Variants in LIMS1 observed in about 807,000 individuals in gnomAD.
LIMS1 encodes the protein LIM and senescent cell antigen-like-containing domain protein 1.
Under a neutral mutation model 44.1 loss-of-function variants are expected in LIMS1, and 18 were observed. That is an observed-to-expected ratio of 0.41 (90% CI 0.28 to 0.61). The LOEUF (loss-of-function observed/expected upper bound fraction) is 0.61. Among genes scored for constraint, LIMS1 ranks in the 20% least tolerant of loss-of-function variants. The probability of loss-of-function intolerance (pLI) is 0.32; values close to 1 mark genes in which losing one functional copy is unlikely to be tolerated. For missense variants in LIMS1, 201 were observed against 422.0 expected, an observed-to-expected ratio of 0.48 and a Z score of 4.59; for synonymous variants, 93 against 149.1, an observed-to-expected ratio of 0.62 and a Z score of 2.74.
At chr2:108,607,314 A>T in intron 1 of LIMS1, 1 of 1,468,932 alleles carries the variant, frequency 6.8e-7, no homozygotes, top group Non-Finnish European at 9.3e-7. Flanking sequence ...CAAATAGAAC[A>T]TAATTGAGCA....
At chr2:108,620,569 G>T (rs1464123487) in intron 1 of LIMS1, among the ~76,000 whole-genome samples, 1 of 152,128 alleles carries the variant, frequency 6.6e-6, no homozygotes, top group Admixed American at 6.5e-5. Flanking sequence ...ACTTTCCGAG[G>T]TCAAATGTAC....
At chr2:108,602,978 C>T (rs146333722) in intron 1 of LIMS1, among the ~76,000 whole-genome samples, 180 of 152,174 alleles carry the variant, frequency 1.2e-3, no homozygotes, top group African/African-American at 4.0e-3. Flanking sequence ...TTTAGGGTTT[C>T]GTCATGGTAC....
intron 1 of LIMS1, among the ~76,000 whole-genome samples, chr2:108,540,388 C>T (rs988957697): frequency 3.3e-5 from 5 of 151,988 alleles, no homozygotes; most frequent in Admixed American, 2.6e-4. Flanking sequence ...TTAGTAAAGA[C>T]GGAGTTTCAC....
chr2:108,560,231 ATTC>A (rs1231503013), intron 1 of LIMS1, among the ~76,000 whole-genome samples: 1 of 152,098 alleles, frequency 6.6e-6, no homozygotes, highest in Non-Finnish European at 1.5e-5. Flanking sequence ...GCTCCAGTCT[ATTC>A]TTAACACAGC....
At position 108,578,199 on chromosome 2, in the gene LIMS1, G is replaced by A. The variant is rs548323243; in HGVS notation, c.32+43605G>A. Among the ~76,000 whole-genome samples the A allele has an allele frequency of 2.1e-4, 32 of 152,288 alleles. No homozygotes were observed. The South Asian group carries it at 5.0e-3, about 24-fold the overall frequency. ...GCTGGGATTACAGGCATGAGCCACC[G>A]CGCCCAGCCTGTATGTTTTGATACT... On this transcript the variant is annotated intron_variant, in intron 1 of 9. Coordinates refer to ENST00000544547, the Ensembl canonical transcript of LIMS1.
At chr2:108,685,182 G>T (rs1266197028) in exon 10 of LIMS1, 1 of 152,008 alleles carries the variant, frequency 6.6e-6, no homozygotes, top group Non-Finnish European at 1.5e-5. Context: ...TAATTAATTT[G>T]ATTTATTTAC....
intron 1 of LIMS1, among the ~76,000 whole-genome samples, chr2:108,604,958 T>G (rs1687197005): frequency 6.6e-6 from 1 of 152,146 alleles, no homozygotes; most frequent in Non-Finnish European, 1.5e-5. Flanking sequence ...ACCTTGTGAG[T>G]CTGAACAGGA....
At chr2:108,600,345 C>T (rs1385307272) in intron 1 of LIMS1, among the ~76,000 whole-genome samples, 4 of 151,794 alleles carry the variant, frequency 2.6e-5, no homozygotes, top group Non-Finnish European at 5.9e-5. Flanking sequence ...GCCACCACGC[C>T]TGGCCTTGCA....
chr2:108,668,351 ATCT>A (rs1333339370), intron 2 of LIMS1, among the ~76,000 whole-genome samples: 1 of 152,132 alleles, frequency 6.6e-6, no homozygotes, highest in Non-Finnish European at 1.5e-5. Context: ...CCCATTGACC[ATCT>A]TCTCCCCATC....
At chr2:108,684,584 T>C (rs1693210595) in exon 10 of LIMS1, 2 of 152,124 alleles carry the variant, frequency 1.3e-5, no homozygotes, top group South Asian at 4.1e-4. Context: ...ATAATTATTA[T>C]GCTTAGTTTT....
intron 5 of LIMS1, chr2:108,673,376 AC>A: frequency 3.0e-6 from 1 of 337,124 alleles, no homozygotes; most frequent in Non-Finnish European, 5.5e-6. Flanking sequence ...GAACCACGAT[AC>A]TTTTTGTAAA....
intron 2 of LIMS1, among the ~76,000 whole-genome samples, chr2:108,663,853 C>T (rs570608993): frequency 5.3e-5 from 8 of 152,016 alleles, no homozygotes; most frequent in East Asian, 1.9e-4. Flanking sequence ...CTTGCGGCCT[C>T]GAGTGCTTCT....
chr2:108,589,337 G>T (rs997761041), intron 1 of LIMS1, among the ~76,000 whole-genome samples: 1 of 151,900 alleles, frequency 6.6e-6, no homozygotes, highest in Admixed American at 6.6e-5. Flanking sequence ...ACTTTTTCGT[G>T]GTAACAACAC....
At chr2:108,653,987 A>G (rs530542176) in intron 1 of LIMS1, among the ~76,000 whole-genome samples, 1 of 148,376 alleles carries the variant, frequency 6.7e-6, no homozygotes, top group South Asian at 2.2e-4. Flanking sequence ...AGAGGAAGCA[A>G]TCAGTTATGC....
At chr2:108,686,507 C>G (rs1693314685) in exon 10 of LIMS1, 1 of 151,522 alleles carries the variant, frequency 6.6e-6, no homozygotes, top group East Asian at 2.0e-4. Flanking sequence ...CGTGGTGGCT[C>G]ATGCCTGTAA....
intron 1 of LIMS1, among the ~76,000 whole-genome samples, chr2:108,647,523 T>A (rs1690155787): frequency 6.6e-6 from 1 of 152,128 alleles, no homozygotes. Flanking sequence ...AAAGAAAATT[T>A]CAGGCCAATA....
intron 1 of LIMS1, among the ~76,000 whole-genome samples, chr2:108,578,648 C>G (rs1416776174): frequency 1.5e-5 from 2 of 133,174 alleles, no homozygotes; most frequent in Non-Finnish European, 1.5e-5. Flanking sequence ...GGCTAGAATG[C>G]AGTGGCACGA....
intron 1 of LIMS1, among the ~76,000 whole-genome samples, chr2:108,591,423 C>T (rs1464551130): frequency 2.0e-5 from 3 of 151,882 alleles, no homozygotes; most frequent in Non-Finnish European, 2.9e-5. Flanking sequence ...TCCGCAAGTT[C>T]CCAGAAAAAA....
intron 1 of LIMS1, among the ~76,000 whole-genome samples, chr2:108,553,032 A>C (rs1360348269): frequency 1.3e-5 from 2 of 152,180 alleles, no homozygotes; most frequent in Admixed American, 6.5e-5. Flanking sequence ...GCTCTGAAGA[A>C]GGTACCAGTG....
Sources: allele counts gnomAD v4.1 joint callset (sites outside exome capture counted in the v4.1 genomes callset), GRCh38; gene constraint gnomAD v4.1.1; transcripts MANE v1.5; gene names NCBI Gene and HGNC (gene_info 2026-07-23, HGNC 2026-07-21).